The following TENM2 variants were observed in gnomAD, a reference collection of about 807,000 sequenced individuals.
TENM2 encodes the protein teneurin-2.
TENM2 carries 52 observed loss-of-function variants against 245.2 expected under a neutral mutation model. That is an observed-to-expected ratio of 0.21 (90% confidence interval 0.17 to 0.27). The LOEUF (loss-of-function observed/expected upper bound fraction) is 0.27, where lower values mean the gene tolerates loss of function less well. Ranked by LOEUF, TENM2 falls within the 10% of genes least tolerant of loss-of-function variation. The probability of loss-of-function intolerance (pLI) is 1.00; values close to 1 mark genes in which losing one functional copy is unlikely to be tolerated. For missense variants in TENM2, 3,046 were observed against 3,666.8 expected (o/e 0.83, Z 4.37); for synonymous variants, 1,363 against 1,438.9 (o/e 0.95, Z 1.19).
chr5:168,096,280 G>C (rs1022465005), intron 8 of TENM2, among the ~76,000 whole-genome samples: 6 of 152,142 alleles, frequency 3.9e-5, no homozygotes, highest in Non-Finnish European at 7.3e-5. Flanking sequence ...TTGCTGATTT[G>C]CTGATCTACA....
At chr5:167,122,181 G>A in the TENM2 span, among the ~76,000 whole-genome samples, 2 of 152,014 alleles carry the variant, frequency 1.3e-5, no homozygotes, top group African/African-American at 2.4e-5. Context: ...AGCATCCCTA[G>A]AACCTTTGAT....
At chr5:167,431,739 T>G (rs1343298073) in intron 2 of TENM2, among the ~76,000 whole-genome samples, 2 of 151,762 alleles carry the variant, frequency 1.3e-5, no homozygotes, top group Non-Finnish European at 2.9e-5. Context: ...AAACTTGTTT[T>G]TCCTACCACC....
chr5:167,799,738 A>T (rs992602569), intron 2 of TENM2, among the ~76,000 whole-genome samples: 2 of 152,186 alleles, frequency 1.3e-5, no homozygotes, highest in African/African-American at 4.8e-5. Context: ...AGTTAGGTCT[A>T]AAAACCATTT....
intron 3 of TENM2, among the ~76,000 whole-genome samples, chr5:167,876,563 A>G (rs923449597): frequency 4.6e-5 from 7 of 152,086 alleles, no homozygotes; most frequent in African/African-American, 1.7e-4. Flanking sequence ...CACAGGCCCA[A>G]TTTGTGTGTA....
At position 168,218,505 on chromosome 5, in the gene TENM2, G is replaced by T. The variant is rs748690256; in HGVS notation, c.4614G>T (p.Ala1538=). ...GCTATTCAGGAGATGATGCCTACGC[G>T]ACTGATGCCATCTTGAATTCCCCAT... Residue 1538 remains alanine (A), a synonymous_variant, in exon 23 of 29, where the codon GCG becomes GCT. Transcript: ENST00000518659. The surrounding 1 kb of genome is among the most constrained non-coding windows in gnomAD (Gnocchi z 5.2). 2 of 1,613,978 alleles carry T rather than the reference G, an allele frequency of 1.2e-6. No homozygotes were observed. Among genetic ancestry groups the T allele is most frequent in the South Asian group, 1.1e-5 (1 of 91,058 alleles).
the TENM2 span, among the ~76,000 whole-genome samples, chr5:167,134,265 A>T: frequency 5.9e-5 from 9 of 152,226 alleles, no homozygotes; most frequent in Non-Finnish European, 1.0e-4. Context: ...CTGTCAGTTG[A>T]TGTGGTCAAA....
the TENM2 span, among the ~76,000 whole-genome samples, chr5:167,214,730 G>T: frequency 6.6e-6 from 1 of 152,156 alleles, no homozygotes; most frequent in Non-Finnish European, 1.5e-5. Flanking sequence ...GTGTCACTTG[G>T]AGCAGAGGAG....
intron 4 of TENM2, among the ~76,000 whole-genome samples, chr5:167,989,678 G>A (rs1249527226): frequency 6.6e-6 from 1 of 152,166 alleles, no homozygotes; most frequent in Non-Finnish European, 1.5e-5. Flanking sequence ...AGGCAGGAAG[G>A]CTAAAGGACG....
intron 2 of TENM2, among the ~76,000 whole-genome samples, chr5:167,698,693 T>TTG (rs1561683526): frequency 7.0e-4 from 102 of 146,190 alleles, no homozygotes; most frequent in Middle Eastern, 7.0e-3. Flanking sequence ...TTTTTTTTTT[T>TTG]TTTTTTTTGA....
intron 2 of TENM2, among the ~76,000 whole-genome samples, chr5:167,709,960 AATG>A (rs1758796274): frequency 6.6e-6 from 1 of 152,190 alleles, no homozygotes; most frequent in Non-Finnish European, 1.5e-5. Context: ...TTGGAGTAAA[AATG>A]AGGCTGTTGG....
At chr5:167,942,292 T>C (rs1419926415) in intron 3 of TENM2, among the ~76,000 whole-genome samples, 1 of 152,192 alleles carries the variant, frequency 6.6e-6, no homozygotes, top group Non-Finnish European at 1.5e-5. Context: ...CTATGTGTGA[T>C]GCATTTTCTG....
chr5:167,422,142 T>C (rs1426712046), intron 2 of TENM2, among the ~76,000 whole-genome samples: 1 of 152,184 alleles, frequency 6.6e-6, no homozygotes, highest in Non-Finnish European at 1.5e-5. Flanking sequence ...AGGATATATT[T>C]ATGACTTTTA....
intron 4 of TENM2, among the ~76,000 whole-genome samples, chr5:167,981,523 G>C (rs1253156875): frequency 2.0e-5 from 3 of 152,194 alleles, no homozygotes; most frequent in Non-Finnish European, 4.4e-5. Flanking sequence ...AAACCCTCAA[G>C]GCAGAGGTAT....
intron 2 of TENM2, among the ~76,000 whole-genome samples, chr5:167,382,774 G>A (rs1761167748): frequency 6.6e-6 from 1 of 152,094 alleles, no homozygotes; most frequent in Non-Finnish European, 1.5e-5. Flanking sequence ...GGCACTGGAG[G>A]AGTTTTGGGA....
chr5:167,729,348 G>A (rs1760256523), intron 2 of TENM2, among the ~76,000 whole-genome samples: 6 of 152,298 alleles, frequency 3.9e-5, no homozygotes, highest in Admixed American at 3.3e-4. Context: ...CAAGTGAATA[G>A]ACCACTATTC....
At chr5:168,061,043 C>T (rs565760360) in intron 6 of TENM2, among the ~76,000 whole-genome samples, 21 of 152,254 alleles carry the variant, frequency 1.4e-4, no homozygotes, top group African/African-American at 3.9e-4. Context: ...CAAAAGTGAT[C>T]GGGGGTTCCA....
chr5:167,190,562 G>A, the TENM2 span, among the ~76,000 whole-genome samples: 1 of 152,060 alleles, frequency 6.6e-6, no homozygotes, highest in Non-Finnish European at 1.5e-5. Flanking sequence ...ATAGTGTGAT[G>A]TAAAACGGGT....
chr5:167,566,626 T>A (rs1431268825), intron 2 of TENM2, among the ~76,000 whole-genome samples: 1 of 152,202 alleles, frequency 6.6e-6, no homozygotes, highest in Admixed American at 6.5e-5. Context: ...ATGAATACGT[T>A]CAAGGCTGTG....
At chr5:167,262,225 G>A in the TENM2 span, among the ~76,000 whole-genome samples, 3 of 152,094 alleles carry the variant, frequency 2.0e-5, no homozygotes, top group African/African-American at 7.2e-5. Context: ...TGGGGTGGTG[G>A]CACATGCCTG....
Sources: allele counts gnomAD v4.1 joint callset (sites outside exome capture counted in the v4.1 genomes callset), GRCh38; gene constraint gnomAD v4.1.1; non-coding constraint Gnocchi (gnomAD v3.1); transcripts MANE v1.5; gene names NCBI Gene and HGNC (gene_info 2026-07-23, HGNC 2026-07-21).